GPC6: variants seen among roughly 807,000 people sequenced by gnomAD.
GPC6 encodes glypican-6.
A neutral mutation model predicts 55.2 loss-of-function variants in GPC6; 14 were observed. The observed-to-expected ratio is 0.25, with a 90% CI of 0.17 to 0.40. The LOEUF (loss-of-function observed/expected upper bound fraction) is 0.40, where lower values mean the gene tolerates loss of function less well. Ranked by LOEUF, GPC6 falls within the 10% of genes least tolerant of loss-of-function variation. The pLI is 1.00. For missense variants in GPC6, 641 were observed against 708.5 expected, an observed-to-expected ratio of 0.90 and a Z score of 1.08; for synonymous variants, 278 against 259.6, an observed-to-expected ratio of 1.07 and a Z score of -0.68.
chr13:93,222,147 T>C (rs364631), upstream of GPC6, among the ~76,000 whole-genome samples: 145,540 of 152,304 alleles, frequency 0.96, 69,881 homozygotes, highest in East Asian at 1. Flanking sequence ...GACCTTTTTA[T>C]TTTGTAAAAC....
chr13:93,484,467 T>A (rs1183137315), intron 1 of GPC6, among the ~76,000 whole-genome samples: 4 of 152,176 alleles, frequency 2.6e-5, no homozygotes, highest in African/African-American at 7.2e-5. Context: ...GAGTATGCTG[T>A]GAACCTCTTT....
chr13:94,022,480 C>A (rs1882734298), intron 3 of GPC6, among the ~76,000 whole-genome samples: 1 of 151,984 alleles, frequency 6.6e-6, no homozygotes, highest in Admixed American at 6.6e-5. Context: ...TTTATCCATT[C>A]TTTCCATGAT....
intron 4 of GPC6, among the ~76,000 whole-genome samples, chr13:94,213,571 G>A (rs1248489549): frequency 6.6e-6 from 1 of 152,014 alleles, no homozygotes; most frequent in African/African-American, 2.4e-5. Flanking sequence ...TAGCTCTCGG[G>A]TTGGCAGAGG....
intron 6 of GPC6, among the ~76,000 whole-genome samples, chr13:94,319,191 A>T: frequency 6.7e-6 from 1 of 148,708 alleles, no homozygotes; most frequent in South Asian, 2.1e-4. Context: ...TTCTTACTTC[A>T]CTCTTTTTCT....
At chr13:93,855,281 T>C (rs1888559458) in intron 3 of GPC6, among the ~76,000 whole-genome samples, 1 of 151,708 alleles carries the variant, frequency 6.6e-6, no homozygotes. Flanking sequence ...TTCTACAGTA[T>C]GTAGCCTTTT....
intron 2 of GPC6, among the ~76,000 whole-genome samples, chr13:93,741,237 C>T (rs2138849446): frequency 6.6e-6 from 1 of 150,394 alleles, no homozygotes; most frequent in East Asian, 2.0e-4. Flanking sequence ...GCCTCAGCCT[C>T]CCGAGTAGCT....
chr13:93,574,214 A>C (rs2139479008), intron 2 of GPC6, among the ~76,000 whole-genome samples: 1 of 152,308 alleles, frequency 6.6e-6, no homozygotes, highest in South Asian at 2.1e-4. Flanking sequence ...TTTGACAATA[A>C]GTTTATTGCA....
chr13:93,293,497 C>T (rs926448590), intron 1 of GPC6, among the ~76,000 whole-genome samples: 4 of 115,324 alleles, frequency 3.5e-5, no homozygotes, highest in African/African-American at 1.6e-4. Flanking sequence ...AGAAATTAAA[C>T]TTGTGATTTG....
At position 94,373,129 on chromosome 13, in the gene GPC6, A is replaced by G. The variant is rs548038863; in HGVS notation, c.1153-9285A>G. ...AAAATGGAGAAAAAACAGAACAGAA[A>G]AACTGGAAACTCTAAAAAGCAGAGC... On this transcript the variant is annotated intron_variant, in intron 6 of 8. Transcript: ENST00000377047. Among the ~76,000 whole-genome samples, 5 of 152,352 alleles carry G rather than the reference A, an allele frequency of 3.3e-5. No homozygotes were observed. In the East Asian group the frequency reaches 9.6e-4, roughly 29 times the overall value.
At chr13:93,325,872 A>C (rs1361780367) in intron 1 of GPC6, among the ~76,000 whole-genome samples, 1 of 152,208 alleles carries the variant, frequency 6.6e-6, no homozygotes, top group Non-Finnish European at 1.5e-5. Context: ...AGACTCTGGC[A>C]GTGTGGATAC....
In GPC6 at chr13:93,997,916, T is replaced by C. The variant is rs1016377635; in HGVS notation, c.712-29813T>C. On this transcript the variant is annotated intron_variant, in intron 3 of 8. Coordinates refer to ENST00000377047, the MANE Select transcript of GPC6 (RefSeq NM_005708.5). The stretch of plus-strand genomic sequence containing the variant: ...GAGACATGGTTACAATGATGAGTCC[T>C]TCCCTTCCTTATCTCCCAAATTTCC... 3.3e-5 allele frequency among the ~76,000 whole-genome samples: 5 copies of C among 152,214 alleles called. No homozygotes were observed. The East Asian group carries it at 7.7e-4, about 23-fold the overall frequency.
At chr13:93,870,729 AC>A (rs1450731258) in intron 3 of GPC6, among the ~76,000 whole-genome samples, 2 of 151,840 alleles carry the variant, frequency 1.3e-5, no homozygotes, top group Non-Finnish European at 1.5e-5. Flanking sequence ...AACTGCGTGA[AC>A]CTACATGGAG....
intron 1 of GPC6, among the ~76,000 whole-genome samples, chr13:93,476,268 T>TTG (rs150927572): frequency 6.6e-6 from 1 of 151,860 alleles, no homozygotes; most frequent in African/African-American, 2.4e-5. Flanking sequence ...CTATTCCTAT[T>TTG]TGTGTGTGTG....
At chr13:93,601,052 TC>T (rs1385114983) in intron 2 of GPC6, among the ~76,000 whole-genome samples, 1 of 150,604 alleles carries the variant, frequency 6.6e-6, no homozygotes, top group Non-Finnish European at 1.5e-5. Flanking sequence ...ACTGATATGA[TC>T]TTCACTAGAG....
rs550755244 is a variant in GPC6, at chr13:93,691,411, T to C, written c.320-138743T>C. On this transcript the variant is annotated intron_variant, in intron 2 of 8. Transcript: ENST00000377047. ...ATTCCTATATATTTTTTTTAAATTA[T>C]CTTTAAACTCCTCTGTATTTATGAA... 6.6e-5 allele frequency among the ~76,000 whole-genome samples: 10 copies of C among 152,012 alleles called. No homozygotes were observed. In the East Asian group the frequency reaches 1.9e-3, roughly 29 times the overall value.
At chr13:94,206,727 A>T (rs1015081308) in intron 4 of GPC6, among the ~76,000 whole-genome samples, 2 of 151,994 alleles carry the variant, frequency 1.3e-5, no homozygotes, top group Non-Finnish European at 2.9e-5. Flanking sequence ...AGTGGAATGC[A>T]CCTGTAGTCC....
chr13:93,879,794 A>G (rs9796065), intron 3 of GPC6, among the ~76,000 whole-genome samples: 35,545 of 151,828 alleles, frequency 0.23, 4,648 homozygotes, highest in East Asian at 0.34. Flanking sequence ...AAAATGGGAG[A>G]AAATTTTCGC....
chr13:93,845,868 G>A (rs1888155018), intron 3 of GPC6, among the ~76,000 whole-genome samples: 1 of 148,786 alleles, frequency 6.7e-6, no homozygotes, highest in Non-Finnish European at 1.5e-5. Context: ...AGCATTGGGA[G>A]ATATATCTAA....
intron 2 of GPC6, among the ~76,000 whole-genome samples, chr13:93,571,810 G>A (rs1034576802): frequency 2.6e-5 from 4 of 152,082 alleles, no homozygotes; most frequent in Admixed American, 6.6e-5. Flanking sequence ...AGGGAACAGA[G>A]GTTTTGGATG....
Sources: gnomAD v4.1 joint callset for allele counts (sites outside exome capture counted in the v4.1 genomes callset) on GRCh38, gnomAD v4.1.1 for gene constraint, MANE v1.5 for transcripts, NCBI Gene and HGNC (gene_info 2026-07-23, HGNC 2026-07-21) for gene names.